The following MFN1 variants were observed in gnomAD, a reference collection of about 807,000 sequenced individuals.
MFN1 encodes the protein mitofusin-1.
A neutral mutation model predicts 92.4 loss-of-function variants in MFN1; 65 were observed. That is an observed-to-expected ratio of 0.70 (90% CI 0.58 to 0.86). The LOEUF (loss-of-function observed/expected upper bound fraction) is 0.86, where lower values mean the gene tolerates loss of function less well. Ranked by LOEUF, MFN1 falls within the 40% of genes least tolerant of loss-of-function variation. The pLI, the probability that MFN1 is intolerant of heterozygous loss-of-function variation, is 0.00. For missense variants in MFN1, 781 were observed against 868.0 expected (o/e 0.90, Z 1.26); for synonymous variants, 297 against 300.9 (o/e 0.99, Z 0.13).
chr3:179,371,613 A>G (rs932872326), intron 9 of MFN1, among the ~76,000 whole-genome samples: 1 of 152,214 alleles, frequency 6.6e-6, no homozygotes, highest in South Asian at 2.1e-4. Flanking sequence ...TTTGGACTGC[A>G]TTGTTCTAAA....
intron 4 of MFN1, among the ~76,000 whole-genome samples, chr3:179,361,797 C>T (rs557587485): frequency 3.3e-5 from 5 of 152,298 alleles, no homozygotes; most frequent in African/African-American, 1.2e-4. Flanking sequence ...CTCGGCCTCC[C>T]AAAGTGCTGG....
chr3:179,365,414 T>C lies in MFN1; in HGVS notation c.753+189T>C, dbSNP rs909061726. ...GAAGTTACTTTGAGGGAAAATTGTG[T>C]TATACTATCTAGTTATTTCAAAGCT... On this transcript the variant is annotated intron_variant, in intron 7 of 17. Coordinates refer to ENST00000471841, the MANE Select transcript of MFN1 (RefSeq NM_033540.3). Among the ~76,000 whole-genome samples, 6 of 152,210 alleles carry C rather than the reference T, an allele frequency of 3.9e-5. No homozygotes were observed. The East Asian group carries it at 5.8e-4, about 15-fold the overall frequency.
chr3:179,361,411 C>A (rs1476563315), intron 4 of MFN1, among the ~76,000 whole-genome samples: 1 of 152,186 alleles, frequency 6.6e-6, no homozygotes, highest in Non-Finnish European at 1.5e-5. Context: ...GCCCGTCACC[C>A]AAATAGTGAA....
intron 15 of MFN1, among the ~76,000 whole-genome samples, 191 bp from the exon 16 acceptor site, chr3:179,386,242 C>G (rs375779163): frequency 5.9e-5 from 9 of 152,286 alleles, no homozygotes; most frequent in African/African-American, 2.2e-4. Flanking sequence ...AAAGCTCTCC[C>G]TCATTTGTGT....
intron 14 of MFN1, among the ~76,000 whole-genome samples, chr3:179,381,026 G>A (rs1004322364): frequency 4.6e-5 from 7 of 152,180 alleles, no homozygotes; most frequent in Non-Finnish European, 8.8e-5. Context: ...TGATAATGAG[G>A]TTTCAGTTGT....
At position 179,377,057 on chromosome 3, in the gene MFN1, A is replaced by G. The variant is rs1321230012; in HGVS notation, c.1113A>G (p.Glu371=). Residue 371 remains glutamate (E), a synonymous_variant, in exon 11 of 18, where the codon GAA becomes GAG. Transcript: ENST00000471841. Reference sequence around the variant, plus strand: ...ACTGAAATAGGCATTATTCAGTGGAAGAGAGGGAAGACCAAATTGATAGAC... The same window carrying G: ...ACTGAAATAGGCATTATTCAGTGGAGGAGAGGGAAGACCAAATTGATAGAC... ...AAEDKRHYSV[E]EREDQIDRLD... 7.4e-6 allele frequency: 12 copies of G among 1,613,642 alleles called. No individual in the cohort carries two copies. Among genetic ancestry groups the G allele is most frequent in the East Asian group, 2.2e-5 (1 of 44,816 alleles).
At chr3:179,373,965 G>A (rs1713121819) in intron 9 of MFN1, among the ~76,000 whole-genome samples, 1 of 149,952 alleles carries the variant, frequency 6.7e-6, no homozygotes, top group African/African-American at 2.4e-5. Flanking sequence ...GAGCCACCAC[G>A]CCCGGCCCAA....
intron 8 of MFN1, among the ~76,000 whole-genome samples, chr3:179,367,817 G>A (rs13076179): frequency 1.3e-5 from 2 of 151,440 alleles, no homozygotes; most frequent in South Asian, 4.2e-4. Context: ...CAGCTTCTTG[G>A]GGGGCTGAGG....
At chr3:179,385,784 A>C in intron 15 of MFN1, 63 bp downstream of exon 15, 16 of 1,490,056 alleles carry the variant, frequency 1.1e-5, no homozygotes, top group Non-Finnish European at 1.5e-5. Flanking sequence ...CTGTTAGCTC[A>C]CAAAAGAAAA....
Position 179,376,950 on chromosome 3 carries a change from A to C in MFN1, c.1098-92A>C, listed in dbSNP as rs1713262362. 4.0e-6 allele frequency: 5 copies of C among 1,263,466 alleles called. No individual in the cohort carries two copies. The Admixed American group carries it at 1.0e-4, about 26-fold the overall frequency. The allele number at this position is 1,263,466 out of a possible 1,614,324, so 78.3% of individuals were successfully genotyped here. A position where few individuals can be genotyped will look rare whatever the true frequency, so the allele number is the denominator to read the frequency against. On this transcript the variant is annotated intron_variant, in intron 10 of 17. Coordinates refer to ENST00000471841, the MANE Select transcript of MFN1 (RefSeq NM_033540.3). ...TTTTTTTTTTCCTTGAGTCATGCTA[A>C]TAGATGGTTCAATACATGAATGAGT...
chr3:179,353,425 C>G (rs1353639474), intron 3 of MFN1, among the ~76,000 whole-genome samples: 1 of 151,984 alleles, frequency 6.6e-6, no homozygotes, highest in Non-Finnish European at 1.5e-5. Flanking sequence ...CCAGGCTGGT[C>G]TCAAACTCCT....
intron 5 of MFN1, among the ~76,000 whole-genome samples, chr3:179,363,039 C>T (rs1413410050): frequency 6.6e-6 from 1 of 151,876 alleles, no homozygotes; most frequent in African/African-American, 2.4e-5. Context: ...TGGATAGATA[C>T]AAGAAAATAT....
chr3:179,355,794 A>G (rs1181964972), intron 3 of MFN1, among the ~76,000 whole-genome samples: 4 of 152,096 alleles, frequency 2.6e-5, no homozygotes, highest in African/African-American at 7.2e-5. Flanking sequence ...TCTACCAAAA[A>G]TAGAAAAATT....
At chr3:179,382,449 AT>A (rs1355260224) in intron 14 of MFN1, among the ~76,000 whole-genome samples, 1 of 152,066 alleles carries the variant, frequency 6.6e-6, no homozygotes, top group Non-Finnish European at 1.5e-5. Flanking sequence ...TATGTGCCAC[AT>A]TTTCTTAATC....
rs766090177 is a variant in MFN1, at chr3:179,367,515, A to G, written c.830A>G (p.Gln277Arg). Residue 277 changes from glutamine (Q) to arginine (R), a missense_variant, in exon 8 of 18, where the codon CAG (glutamine) becomes CGG (arginine). Gln to Arg is a conservative substitution (Grantham distance 43). Transcript: ENST00000471841. ...AAAGTTGTAAATGCTTTAGAAGCAC[A>G]GAATCGTATCTTCTTTGTTTCAGCA... ...ELKVVNALEA[Q>R]NRIFFVSAKE... The G allele has an allele frequency of 6.2e-7, 1 of 1,613,880 alleles. No homozygotes were observed.
At position 179,392,102 on chromosome 3, in the gene MFN1, C is replaced by A. The variant is rs1713925549; in HGVS notation, c.*43C>A. The A allele has an allele frequency of 3.2e-6, 4 of 1,252,478 alleles. No homozygotes were observed. Among genetic ancestry groups the A allele is most frequent in the Non-Finnish European group, 4.6e-6 (4 of 865,774 alleles). 77.6% of individuals were successfully genotyped at this position (1,252,478 alleles called of 1,614,324 possible). A position where few individuals can be genotyped will look rare whatever the true frequency, so the allele number is the denominator to read the frequency against. ...GTGACCATGATAGGAGGAAACGAAACTTGTAAGATTGGAACAGTTGTTATT... is the reference window on the plus strand; with the variant it reads ...GTGACCATGATAGGAGGAAACGAAAATTGTAAGATTGGAACAGTTGTTATT... On this transcript the variant is annotated 3_prime_UTR_variant, in exon 18 of 18. Transcript: ENST00000471841.
chr3:179,363,661 T>C (rs970942308), intron 5 of MFN1, among the ~76,000 whole-genome samples: 3 of 152,082 alleles, frequency 2.0e-5, no homozygotes, highest in African/African-American at 7.2e-5. Context: ...CTAGCTAATT[T>C]TTTTTTTGTG....
chr3:179,365,750 A>G (rs1712762479), intron 7 of MFN1, among the ~76,000 whole-genome samples: 5 of 152,210 alleles, frequency 3.3e-5, no homozygotes, highest in Admixed American at 3.3e-4. Flanking sequence ...TGGTTGTTCA[A>G]CTTTATATAA....
chr3:179,367,930 A>G, intron 8 of MFN1, 106 bp from the exon 9 acceptor site: 2 of 517,432 alleles, frequency 3.9e-6, no homozygotes, highest in Non-Finnish European at 5.3e-6. Context: ...TCTCGGGGGA[A>G]AAAGTATATA....
Sources: allele counts gnomAD v4.1 joint callset (sites outside exome capture counted in the v4.1 genomes callset), GRCh38; gene constraint gnomAD v4.1.1; transcripts MANE v1.5; gene names NCBI Gene and HGNC (gene_info 2026-07-23, HGNC 2026-07-21).